ZNF710: variants seen among roughly 807,000 people sequenced by gnomAD.
ZNF710 encodes zinc finger protein 710.
In ZNF710, 13 loss-of-function variants were observed where a neutral mutation model predicts 50.6. The ratio of observed to expected loss-of-function variants is 0.26; its 90% confidence interval spans 0.17 to 0.41. The LOEUF is 0.41. Among genes scored for constraint, ZNF710 ranks in the 10% least tolerant of loss-of-function variants. ZNF710 has a pLI of 1.00. For missense variants in ZNF710, 721 were observed against 936.6 expected (o/e 0.77, Z 3.01); for synonymous variants, 383 against 397.0 (o/e 0.96, Z 0.42).
At chr15:90,044,495 A>T (rs1189523417) in intron 1 of ZNF710, among the ~76,000 whole-genome samples, 1 of 152,204 alleles carries the variant, frequency 6.6e-6, no homozygotes, top group African/African-American at 2.4e-5. Context: ...ACCCTCACCA[A>T]ATAAGGGGCC....
intron 2 of ZNF710, among the ~76,000 whole-genome samples, chr15:90,072,269 T>A (rs532318861): frequency 6.6e-6 from 1 of 152,066 alleles, no homozygotes; most frequent in African/African-American, 2.4e-5. Context: ...TGGGGGTGAA[T>A]AGCCCAAAGT....
At chr15:90,029,436 A>G (rs767928419) in intron 1 of ZNF710, among the ~76,000 whole-genome samples, 3 of 152,200 alleles carry the variant, frequency 2.0e-5, no homozygotes, top group Non-Finnish European at 4.4e-5. Context: ...ACTCCAACTC[A>G]AACGGGAATG....
intron 2 of ZNF710, among the ~76,000 whole-genome samples, chr15:90,071,676 ACTC>A (rs767525010): frequency 0.012 from 1,667 of 133,752 alleles, 22 homozygotes; most frequent in East Asian, 0.023. Flanking sequence ...ATTTATTTTT[ACTC>A]TTTTTTTTTT....
At chr15:90,019,986 G>A (rs561587063) in intron 1 of ZNF710, among the ~76,000 whole-genome samples, 1 of 152,316 alleles carries the variant, frequency 6.6e-6, no homozygotes, top group South Asian at 2.1e-4. Flanking sequence ...AGGATTTCCT[G>A]TGGAGGCCTC....
In ZNF710 at chr15:90,067,545, A is replaced by G. The variant is rs745735912; in HGVS notation, c.408A>G (p.Ala136=). ...GTGACGACAAGGACGCAGGGCCAGC[A>G]GAAGCCCCCGCCGAGGCGGCCAGTG... The part of the protein sequence containing the change: ...VPGDDKDAGP[A]EAPAEAASGG... The change falls in exon 2 of 5, where the codon GCA becomes GCG. Residue 136 remains alanine, a synonymous_variant. Coordinates refer to ENST00000268154, the MANE Select transcript of ZNF710 (RefSeq NM_198526.4). This position sits in a 1 kb window ranked among gnomAD's most constrained non-coding sequence, Gnocchi z 8.1. The G allele has an allele frequency of 2.5e-6, 4 of 1,612,448 alleles. No individual in the cohort carries two copies. Among genetic ancestry groups the G allele is most frequent in the Non-Finnish European group, 2.5e-6 (3 of 1,179,302 alleles).
chr15:90,008,441 C>CATATATATATATATATATATATATAT (rs1011267136), intron 1 of ZNF710, among the ~76,000 whole-genome samples: 13 of 126,468 alleles, frequency 1.0e-4, no homozygotes, highest in African/African-American at 4.6e-4. Flanking sequence ...TATATATATA[C>CATATATATATATATATATATATATAT]ATATATATAT....
chr15:90,027,809 G>C (rs1898822964), intron 1 of ZNF710, among the ~76,000 whole-genome samples: 1 of 147,408 alleles, frequency 6.8e-6, no homozygotes, highest in African/African-American at 2.5e-5. Flanking sequence ...TTGTGCCACT[G>C]TACTCTAGCC....
Position 90,034,441 on chromosome 15 carries a change from T to C in ZNF710, c.-28-32669T>C. On this transcript the variant is annotated intron_variant, in intron 1 of 4. Coordinates refer to ENST00000268154, the MANE Select transcript of ZNF710 (RefSeq NM_198526.4). This position sits in a 1 kb window ranked among gnomAD's most constrained non-coding sequence, Gnocchi z 4.0. ...GTTTCCAAATTCCTGTGTGTGTGTG[T>C]GTGTGTGTGTGTGTGTGTGTGTGTG... Among the ~76,000 whole-genome samples the C allele has an allele frequency of 7.1e-6, 1 of 141,568 alleles. No homozygotes were observed. The highest frequency in any genetic ancestry group is 1.5e-5 in the Non-Finnish European group (1 of 66,028). The allele number at this position is 141,568 out of a possible 152,430, so 92.9% of individuals were successfully genotyped here. A position where few individuals can be genotyped will look rare whatever the true frequency, so the allele number is the denominator to read the frequency against.
intron 1 of ZNF710, among the ~76,000 whole-genome samples, chr15:90,030,343 A>AAAG (rs1898900147): frequency 6.6e-6 from 1 of 150,506 alleles, no homozygotes; most frequent in Non-Finnish European, 1.5e-5. Flanking sequence ...AAAAAAAAAA[A>AAAG]AAAAAAAAAA....
chr15:90,051,832 G>C (rs1013441936), intron 1 of ZNF710, among the ~76,000 whole-genome samples: 1 of 152,126 alleles, frequency 6.6e-6, no homozygotes, highest in East Asian at 1.9e-4. Context: ...ACTCCAGGCT[G>C]AAAGGAAGGG....
intron 1 of ZNF710, among the ~76,000 whole-genome samples, chr15:90,012,561 T>C (rs1289939120): frequency 6.6e-6 from 1 of 152,068 alleles, no homozygotes; most frequent in African/African-American, 2.4e-5. Context: ...TGAGCCTCCA[T>C]GCCTGGCCAA....
chr15:90,031,494 C>G (rs969850285), intron 1 of ZNF710, among the ~76,000 whole-genome samples: 1 of 152,206 alleles, frequency 6.6e-6, no homozygotes, highest in Non-Finnish European at 1.5e-5. Context: ...AATCGGAAGA[C>G]TAGAGAGGTT....
chr15:90,010,712 G>A (rs1023347767), intron 1 of ZNF710, among the ~76,000 whole-genome samples: 7 of 151,802 alleles, frequency 4.6e-5, no homozygotes, highest in Admixed American at 2.6e-4. Flanking sequence ...CCTTCAGTCC[G>A]TTTTTTCTCT....
intron 1 of ZNF710, among the ~76,000 whole-genome samples, chr15:90,029,395 A>C (rs982723264): frequency 6.6e-6 from 1 of 152,214 alleles, no homozygotes; most frequent in Non-Finnish European, 1.5e-5. Context: ...CAGGGCAGTT[A>C]GTGCTGATAC....
rs1327227793 is a variant in ZNF710 at position 90,016,160 on chromosome 15, TAAA to T, written c.-29+14547_-29+14549del. Among the ~76,000 whole-genome samples the T allele has an allele frequency of 1.3e-5, 2 of 152,080 alleles. 1 individual carries two copies. The highest frequency in any genetic ancestry group is 4.8e-5 in the African/African-American group (2 of 41,398). The stretch of plus-strand genomic sequence containing the variant: ...GCACATACTACCTAATAATTTTTTT[TAAA>T]GAAGGAAAAAAGGATGGGTAGAAAG... On this transcript the variant is annotated intron_variant, in intron 1 of 4. Transcript: ENST00000268154.
intron 1 of ZNF710, among the ~76,000 whole-genome samples, chr15:90,030,186 G>A (rs538482321): frequency 2.2e-4 from 33 of 151,548 alleles, no homozygotes; most frequent in African/African-American, 7.0e-4. Context: ...AAAATTAGCC[G>A]GATGTGGTGG....
intron 1 of ZNF710, among the ~76,000 whole-genome samples, chr15:90,028,707 T>C (rs983150202): frequency 6.6e-6 from 1 of 152,188 alleles, no homozygotes; most frequent in African/African-American, 2.4e-5. Flanking sequence ...TGTTGGGCAG[T>C]GTGGACAGAC....
intron 1 of ZNF710, among the ~76,000 whole-genome samples, chr15:90,042,529 C>T (rs1348806745): frequency 6.6e-6 from 1 of 152,168 alleles, no homozygotes; most frequent in African/African-American, 2.4e-5. Context: ...AGTCTTCCTC[C>T]ACTCAGCCTC....
chr15:90,065,227 G>A (rs1408153861), intron 1 of ZNF710, among the ~76,000 whole-genome samples: 7 of 152,194 alleles, frequency 4.6e-5, no homozygotes, highest in African/African-American at 1.4e-4. Context: ...TCCGCTGGGC[G>A]CTGGGGGGAG....
Sources: allele counts gnomAD v4.1 joint callset (sites outside exome capture counted in the v4.1 genomes callset), GRCh38; gene constraint gnomAD v4.1.1; non-coding constraint Gnocchi (gnomAD v3.1); transcripts MANE v1.5; gene names NCBI Gene and HGNC (gene_info 2026-07-23, HGNC 2026-07-21).